Variants in PACRGL observed in about 807,000 individuals in gnomAD.
PACRGL encodes the protein parkin coregulated like.
PACRGL carries 38 observed loss-of-function variants against 34.5 expected under a neutral mutation model. The ratio of observed to expected loss-of-function variants is 1.10; its 90% CI spans 0.85 to 1.44. The LOEUF is 1.44. PACRGL is among the 40% of genes most tolerant of loss of function. PACRGL has a pLI of 0.00. For missense variants in PACRGL, 305 were observed against 281.4 expected, an observed-to-expected ratio of 1.08 and a Z score of -0.60; for synonymous variants, 128 against 100.1, an observed-to-expected ratio of 1.28 and a Z score of -1.66.
At chr4:20,720,053 C>G (rs1261312384) in intron 7 of PACRGL, among the ~76,000 whole-genome samples, 1 of 152,168 alleles carries the variant, frequency 6.6e-6, no homozygotes, top group Non-Finnish European at 1.5e-5. Flanking sequence ...GTTAGCCCTT[C>G]TTGTTGAATT....
chr4:20,713,581 C>G (rs774540922), intron 7 of PACRGL, 42 bp downstream of exon 7: 5 of 1,455,624 alleles, frequency 3.4e-6, no homozygotes, highest in Non-Finnish European at 4.8e-6. Context: ...CTGTATGTAT[C>G]ATGCACCATC....
In PACRGL at chr4:20,719,839, A is replaced by G. The variant is rs569659811; in HGVS notation, c.610-4969A>G. Reference sequence around the variant, plus strand: ...GGGGTGGAGAGTTCTGTAGATGTCTATTAGGTCTGCTTGGTGCAGAGGTGA... The same window carrying G: ...GGGGTGGAGAGTTCTGTAGATGTCTGTTAGGTCTGCTTGGTGCAGAGGTGA... On this transcript the variant is annotated intron_variant, in intron 7 of 8. Transcript: ENST00000503585. Among the ~76,000 whole-genome samples the G allele has an allele frequency of 2.5e-3, 387 of 152,070 alleles. 2 individuals carry two copies. The highest frequency in any genetic ancestry group is 5.1e-3 in the Admixed American group (78 of 15,262).
chr4:20,718,110 G>C (rs1741054311), intron 7 of PACRGL, among the ~76,000 whole-genome samples: 1 of 152,110 alleles, frequency 6.6e-6, no homozygotes, highest in Non-Finnish European at 1.5e-5. Context: ...GTGAATGGGA[G>C]TTCACTCATG....
chr4:20,718,137 G>C (rs28788006), intron 7 of PACRGL, among the ~76,000 whole-genome samples: 49,266 of 151,900 alleles, frequency 0.32, 8,443 homozygotes, highest in African/African-American at 0.43. Flanking sequence ...CTCTCTGTCT[G>C]TTATTGGTGT....
rs190014271 is a variant in PACRGL at position 20,716,698 on chromosome 4, G to T, written c.609+3159G>T. ...TTATGGCTGCATAGTATTCCATGGT[G>T]TATATGTGCCACATTTTCTTAATCC... is the stretch of plus-strand genomic sequence containing the variant. On this transcript the variant is annotated intron_variant, in intron 7 of 8. Coordinates refer to ENST00000503585, the MANE Select transcript of PACRGL (RefSeq NM_001258345.3). Among the ~76,000 whole-genome samples the T allele has an allele frequency of 2.3e-3, 352 of 152,244 alleles. 2 individuals carry two copies. Among genetic ancestry groups the T allele is most frequent in the African/African-American group, 7.5e-3 (310 of 41,544 alleles).
chr4:20,709,464 C>G (rs1277284303), intron 4 of PACRGL, among the ~76,000 whole-genome samples: 1 of 152,196 alleles, frequency 6.6e-6, no homozygotes, highest in Non-Finnish European at 1.5e-5. Flanking sequence ...AGCACCAAAA[C>G]TGTAACCTTA....
At chr4:20,698,269 T>A (rs1318840789), upstream of PACRGL, among the ~76,000 whole-genome samples, 1 of 152,164 alleles carries the variant, frequency 6.6e-6, no homozygotes, top group Non-Finnish European at 1.5e-5. Flanking sequence ...CTTTTCAGAA[T>A]CATTTACTAT....
chr4:20,701,810 C>T (rs1229562121), intron 1 of PACRGL: 4 of 456,256 alleles, frequency 8.8e-6, no homozygotes, highest in Non-Finnish European at 1.8e-5. Context: ...GTCTGCTCTC[C>T]GTATCCGTGG....
intron 3 of PACRGL, 103 bp from the exon 4 acceptor site, chr4:20,707,700 C>T (rs1212118846): frequency 3.9e-5 from 33 of 844,546 alleles, no homozygotes; most frequent in Non-Finnish European, 5.4e-5. Flanking sequence ...TGAGTAGAAA[C>T]GGTGCGCTTC....
At chr4:20,757,316 C>G (rs1301143929), downstream of PACRGL, among the ~76,000 whole-genome samples, 3 of 152,132 alleles carry the variant, frequency 2.0e-5, no homozygotes, top group Non-Finnish European at 4.4e-5. Flanking sequence ...CAGCAGTAAT[C>G]TTCTAATTAG....
intron 8 of PACRGL, among the ~76,000 whole-genome samples, chr4:20,746,364 G>C (rs1752426500): frequency 6.6e-6 from 1 of 151,890 alleles, no homozygotes; most frequent in Non-Finnish European, 1.5e-5. Flanking sequence ...ACACACCAGG[G>C]CATGTCGGAG....
chr4:20,710,520 T>A (rs1301664962), intron 5 of PACRGL, among the ~76,000 whole-genome samples: 1 of 152,294 alleles, frequency 6.6e-6, no homozygotes, highest in Admixed American at 6.5e-5. Flanking sequence ...TTGGGTGATA[T>A]TAGTAATAAA....
intron 8 of PACRGL, among the ~76,000 whole-genome samples, chr4:20,742,443 A>G (rs989052918): frequency 5.3e-5 from 8 of 152,226 alleles, no homozygotes; most frequent in African/African-American, 1.9e-4. Flanking sequence ...AATCCATCAT[A>G]TAAACAAAAC....
chr4:20,743,898 T>G (rs1578480157), intron 8 of PACRGL, among the ~76,000 whole-genome samples: 1 of 150,640 alleles, frequency 6.6e-6, no homozygotes, highest in East Asian at 2.0e-4. Flanking sequence ...ATCCAGAATC[T>G]ACAAAGAAAT....
rs1385959864 is a variant in PACRGL, at chr4:20,730,222, C to A, written c.*2881C>A. 4 of 1,397,852 alleles carry A rather than the reference C, an allele frequency of 2.9e-6. No individual in the cohort carries two copies. In the Admixed American group the frequency reaches 7.5e-5, roughly 26 times the overall value. The allele number at this position is 1,397,852 out of a possible 1,614,324, so 86.6% of individuals were successfully genotyped here. A position where few individuals can be genotyped will look rare whatever the true frequency, so the allele number is the denominator to read the frequency against. On this transcript the variant is annotated 3_prime_UTR_variant, in exon 9 of 9. Coordinates refer to ENST00000503585, the MANE Select transcript of PACRGL (RefSeq NM_001258345.3). The stretch of plus-strand genomic sequence containing the variant: ...CTGAGTATTGCCTCCTCCCATCAAC[C>A]ACCTCAACCACCTATGCCAAAAGCT...
Position 20,731,922 on chromosome 4 carries a change from C to G in PACRGL, c.*4581C>G, listed in dbSNP as rs1748359604. Reference sequence around the variant, plus strand: ...TTAGGCATATGATCTCTATATTTCGCCCAGTTCATGGTAGCTAGCTGCTAA... The same window carrying G: ...TTAGGCATATGATCTCTATATTTCGGCCAGTTCATGGTAGCTAGCTGCTAA... On this transcript the variant is annotated 3_prime_UTR_variant, in exon 9 of 9. Transcript: ENST00000503585. 22 of 1,568,690 alleles carry G rather than the reference C, an allele frequency of 1.4e-5. No individual in the cohort carries two copies. The highest frequency in any genetic ancestry group is 1.9e-5 in the Non-Finnish European group (22 of 1,156,700).
At chr4:20,706,425 C>T (rs1253505836) in intron 3 of PACRGL, among the ~76,000 whole-genome samples, 3 of 152,132 alleles carry the variant, frequency 2.0e-5, no homozygotes, top group Non-Finnish European at 2.9e-5. Context: ...ATATGTGTAG[C>T]ACTTTTTCAA....
chr4:20,723,638 A>G (rs972270197), intron 7 of PACRGL, among the ~76,000 whole-genome samples: 7 of 152,152 alleles, frequency 4.6e-5, no homozygotes, highest in Admixed American at 2.0e-4. Flanking sequence ...CCAGATTAAC[A>G]GTTGTATACA....
intron 8 of PACRGL, among the ~76,000 whole-genome samples, chr4:20,737,740 A>T (rs1578441850): frequency 1.3e-5 from 2 of 152,336 alleles, no homozygotes; most frequent in Admixed American, 1.3e-4. Flanking sequence ...ACCTCCCTCA[A>T]ATTATTTCCC....
Sources: gnomAD v4.1 joint callset for allele counts (sites outside exome capture counted in the v4.1 genomes callset) on GRCh38, gnomAD v4.1.1 for gene constraint, MANE v1.5 for transcripts, NCBI Gene and HGNC (gene_info 2026-07-23, HGNC 2026-07-21) for gene names.